The following MIPOL1 variants were observed in gnomAD, a reference collection of about 807,000 sequenced individuals.
The protein encoded by MIPOL1 is mirror-image polydactyly gene 1 protein.
Under a neutral mutation model 60.9 loss-of-function variants are expected in MIPOL1, and 57 were observed. The ratio of observed to expected loss-of-function variants is 0.94; its 90% CI spans 0.76 to 1.17. The LOEUF (loss-of-function observed/expected upper bound fraction) is 1.17, where lower values mean the gene tolerates loss of function less well. Among genes scored for constraint, MIPOL1 ranks in the 50% most tolerant of loss-of-function variants. The probability of loss-of-function intolerance (pLI) is 0.00; values close to 1 mark genes in which losing one functional copy is unlikely to be tolerated. For synonymous variants in MIPOL1, 179 were observed against 168.8 expected, an observed-to-expected ratio of 1.06 and a Z score of -0.47; for missense variants, 551 against 511.6, an observed-to-expected ratio of 1.08 and a Z score of -0.74.
chr14:37,543,217 A>G lies in MIPOL1; in HGVS notation c.1263-3688A>G, dbSNP rs191490270. ...TCTCCTTCTTTCCATCTACATTGGT[A>G]CAGCTCTAATTCAGGCCTTCAGCTC... On this transcript the variant is annotated intron_variant, in intron 12 of 12. Coordinates refer to ENST00000684589, the MANE Select transcript of MIPOL1 (RefSeq NM_001388067.1). Among the ~76,000 whole-genome samples, 4 of 152,320 alleles carry G rather than the reference A, an allele frequency of 2.6e-5. No individual in the cohort carries two copies. In the East Asian group the frequency reaches 7.7e-4, roughly 29 times the overall value.
intron 10 of MIPOL1, among the ~76,000 whole-genome samples, chr14:37,414,991 C>A (rs541557892): frequency 9.2e-5 from 14 of 152,234 alleles, no homozygotes; most frequent in African/African-American, 3.4e-4. Context: ...CTTGTGCCAC[C>A]CCTGCCCCCA....
intron 11 of MIPOL1, among the ~76,000 whole-genome samples, chr14:37,472,234 T>C (rs1167953635): frequency 6.6e-6 from 1 of 152,222 alleles, no homozygotes; most frequent in Non-Finnish European, 1.5e-5. Flanking sequence ...AGACTTGATT[T>C]ACTTTTCCTA....
intron 7 of MIPOL1, among the ~76,000 whole-genome samples, chr14:37,289,387 A>G (rs763479873): frequency 1.6e-4 from 24 of 152,222 alleles, no homozygotes; most frequent in Non-Finnish European, 2.9e-4. Context: ...GTCCCACAAG[A>G]CTGGCCCTGC....
chr14:37,461,353 C>A (rs898699073), intron 11 of MIPOL1, among the ~76,000 whole-genome samples: 5 of 152,250 alleles, frequency 3.3e-5, no homozygotes, highest in African/African-American at 1.2e-4. Flanking sequence ...TTAAAACCAT[C>A]AGATCACATG....
rs538102081 is a variant in MIPOL1, at chr14:37,475,625, C to G, written c.1032-24283C>G. 1.1e-4 allele frequency among the ~76,000 whole-genome samples: 16 copies of G among 152,078 alleles called. 1 individual carries two copies. Among genetic ancestry groups the G allele is most frequent in the African/African-American group, 3.4e-4 (14 of 41,480 alleles). ...AAAGTGCAAGGTCTTTGTCTAGATT[C>G]ATTTTTTCATGTGGATATCCAATTG... On this transcript the variant is annotated intron_variant, in intron 11 of 12. Coordinates refer to ENST00000684589, the MANE Select transcript of MIPOL1 (RefSeq NM_001388067.1).
At position 37,426,256 on chromosome 14, in the gene MIPOL1, T is replaced by C. The variant is rs567971890; in HGVS notation, c.1031+3307T>C. Among the ~76,000 whole-genome samples the C allele has an allele frequency of 1.4e-4, 22 of 151,834 alleles. No homozygotes were observed. The South Asian group carries it at 2.1e-3, about 14-fold the overall frequency. ...ATTAAGAATAGCTATATTTGTAAAT[T>C]TGAGGCCACAATTAGTATTAACCAC... On this transcript the variant is annotated intron_variant, in intron 11 of 12. Transcript: ENST00000684589.
At chr14:37,487,940 G>T (rs2094977943) in intron 11 of MIPOL1, among the ~76,000 whole-genome samples, 1 of 152,110 alleles carries the variant, frequency 6.6e-6, no homozygotes, top group African/African-American at 2.4e-5. Flanking sequence ...GTGAATTTTA[G>T]ATCTTTCCTG....
chr14:37,215,763 CACAG>C (rs1445381395), intron 1 of MIPOL1, among the ~76,000 whole-genome samples: 2 of 152,136 alleles, frequency 1.3e-5, no homozygotes, highest in Non-Finnish European at 2.9e-5. Context: ...TATGAAGACA[CACAG>C]ACAGAAAATA....
intron 11 of MIPOL1, chr14:37,434,355 C>A (rs1379992521): frequency 6.6e-6 from 1 of 151,998 alleles, no homozygotes; most frequent in Non-Finnish European, 1.5e-5. Flanking sequence ...CTGTTCATAT[C>A]CTTCGCTCAT....
chr14:37,353,954 G>A (rs1402740090), intron 9 of MIPOL1, among the ~76,000 whole-genome samples: 2 of 151,870 alleles, frequency 1.3e-5, no homozygotes, highest in African/African-American at 2.4e-5. Flanking sequence ...GCTAGCTTTT[G>A]AATGTGTTTG....
At chr14:37,314,987 T>TAA (rs1402581436) in intron 9 of MIPOL1, among the ~76,000 whole-genome samples, 1 of 152,086 alleles carries the variant, frequency 6.6e-6, no homozygotes, top group East Asian at 1.9e-4. Context: ...ATATGGAACT[T>TAA]ATGTTTTCAT....
intron 1 of MIPOL1, among the ~76,000 whole-genome samples, chr14:37,206,486 G>A (rs934223449): frequency 2.0e-5 from 3 of 152,210 alleles, no homozygotes; most frequent in African/African-American, 7.2e-5. Context: ...GTAGGGCAGT[G>A]CATAAGGGAA....
chr14:37,204,104 C>T (rs983171828), intron 1 of MIPOL1, among the ~76,000 whole-genome samples: 1 of 114,122 alleles, frequency 8.8e-6, no homozygotes, highest in Admixed American at 9.3e-5. Context: ...TTAATCCTGC[C>T]AACGACCACC....
chr14:37,518,322 A>G (rs1179322980), intron 12 of MIPOL1, among the ~76,000 whole-genome samples: 1 of 152,190 alleles, frequency 6.6e-6, no homozygotes, highest in African/African-American at 2.4e-5. Context: ...TTGAATTAGA[A>G]ATATCAAAGT....
intron 11 of MIPOL1, among the ~76,000 whole-genome samples, chr14:37,462,602 G>A (rs1209408260): frequency 5.9e-5 from 9 of 152,112 alleles, no homozygotes; most frequent in Non-Finnish European, 1.2e-4. Flanking sequence ...GAAACTGAAT[G>A]CCTTTAACAG....
intron 9 of MIPOL1, among the ~76,000 whole-genome samples, chr14:37,355,461 T>C (rs1422382725): frequency 6.6e-6 from 1 of 151,284 alleles, no homozygotes; most frequent in East Asian, 1.9e-4. Flanking sequence ...CCTGCCTTGC[T>C]AGATTAGGGA....
At chr14:37,526,358 T>C (rs1029005868) in intron 12 of MIPOL1, among the ~76,000 whole-genome samples, 19 of 151,288 alleles carry the variant, frequency 1.3e-4, no homozygotes, top group Admixed American at 3.3e-4. Context: ...AAGTGGACTT[T>C]TACTTCTTTT....
intron 11 of MIPOL1, among the ~76,000 whole-genome samples, chr14:37,495,146 T>C (rs1180519717): frequency 6.6e-6 from 1 of 151,348 alleles, no homozygotes; most frequent in Non-Finnish European, 1.5e-5. Context: ...TTTTTTTTAT[T>C]ATACTTTAAG....
At chr14:37,255,454 A>T (rs962406191) in intron 3 of MIPOL1, among the ~76,000 whole-genome samples, 8 of 151,870 alleles carry the variant, frequency 5.3e-5, no homozygotes, top group Non-Finnish European at 1.2e-4. Flanking sequence ...TATATATTTT[A>T]TGTACATTTA....
Sources: allele counts gnomAD v4.1 joint callset (sites outside exome capture counted in the v4.1 genomes callset), GRCh38; gene constraint gnomAD v4.1.1; transcripts MANE v1.5; gene names NCBI Gene and HGNC (gene_info 2026-07-23, HGNC 2026-07-21).